GABRA1: variants seen among roughly 807,000 people sequenced by gnomAD.
GABRA1 encodes gamma-aminobutyric acid type A receptor subunit alpha1.
Under a neutral mutation model 48.9 loss-of-function variants are expected in GABRA1, and 9 were observed. The observed-to-expected ratio is 0.18, with a 90% CI of 0.11 to 0.32. GABRA1 has a LOEUF of 0.32. GABRA1 is among the 10% of genes least tolerant of loss of function. The pLI is 1.00. For synonymous variants in GABRA1, 210 were observed against 198.7 expected (o/e 1.06, Z -0.48); for missense variants, 285 against 553.8 (o/e 0.51, Z 4.87).
chr5:161,889,153 A>G (rs1032713073), intron 7 of GABRA1, among the ~76,000 whole-genome samples: 1 of 152,080 alleles, frequency 6.6e-6, no homozygotes, highest in Admixed American at 6.6e-5. Flanking sequence ...GAAAGCAGGC[A>G]TAAGTGCGTA....
chr5:161,870,812 A>G (rs778465407), intron 4 of GABRA1, among the ~76,000 whole-genome samples: 5 of 152,196 alleles, frequency 3.3e-5, no homozygotes, highest in Non-Finnish European at 5.9e-5. Flanking sequence ...GAGAGTTCTC[A>G]GAAATGGGAG....
intron 7 of GABRA1, among the ~76,000 whole-genome samples, chr5:161,886,431 T>C (rs1367371285): frequency 3.3e-5 from 5 of 151,794 alleles, no homozygotes; most frequent in Non-Finnish European, 7.4e-5. Context: ...TAGAAGAGTA[T>C]CTGGTTTGTA....
intron 8 of GABRA1, among the ~76,000 whole-genome samples, chr5:161,893,629 A>G (rs970923696): frequency 1.3e-5 from 2 of 152,204 alleles, no homozygotes; most frequent in African/African-American, 4.8e-5. Flanking sequence ...TTGGTTTTCC[A>G]TGCTGTCTCT....
Position 161,892,609 on chromosome 5 carries a change from G to T in GABRA1, c.856+1559G>T, listed in dbSNP as rs551923000. Among the ~76,000 whole-genome samples the T allele has an allele frequency of 3.3e-4, 51 of 152,282 alleles. 1 individual carries two copies. The highest frequency in any genetic ancestry group is 3.4e-3 in the Middle Eastern group (1 of 294). ...ATTAATTAGCAATGAACTCACTAAAGACGAAGTCTTGTTAAGATGCTTATA... is the reference window on the plus strand; with the variant it reads ...ATTAATTAGCAATGAACTCACTAAATACGAAGTCTTGTTAAGATGCTTATA... On this transcript the variant is annotated intron_variant, in intron 8 of 9. Coordinates refer to ENST00000393943, the MANE Select transcript of GABRA1 (RefSeq NM_001127644.2).
At chr5:161,872,590 A>C (rs1471592018) in intron 4 of GABRA1, among the ~76,000 whole-genome samples, 1 of 152,146 alleles carries the variant, frequency 6.6e-6, no homozygotes, top group East Asian at 1.9e-4. Context: ...TGTGAAAAAA[A>C]TGTTTATTTC....
At position 161,897,795 on chromosome 5, in the gene GABRA1, T is replaced by C. The variant is rs1755440778; in HGVS notation, c.*373T>C. The C allele has an allele frequency of 1.2e-5, 2 of 172,358 alleles. No individual in the cohort carries two copies. The highest frequency in any genetic ancestry group is 2.5e-5 in the Non-Finnish European group (2 of 81,184). The allele number at this position is 172,358 out of a possible 1,614,324, so 10.7% of individuals were successfully genotyped here. A position where few individuals can be genotyped will look rare whatever the true frequency, so the allele number is the denominator to read the frequency against. Reference sequence around the variant, plus strand: ...TCCAAATATTCTAAAAAAGATACTGTATATGTCAAAAATATTTTTATGTGA... The same window carrying C: ...TCCAAATATTCTAAAAAAGATACTGCATATGTCAAAAATATTTTTATGTGA... On this transcript the variant is annotated 3_prime_UTR_variant, in exon 10 of 10. Transcript: ENST00000393943.
intron 8 of GABRA1, among the ~76,000 whole-genome samples, chr5:161,891,375 G>T (rs929778933): frequency 2.0e-5 from 3 of 152,010 alleles, no homozygotes; most frequent in African/African-American, 4.8e-5. Flanking sequence ...AATATATTTA[G>T]AATATATAAC....
intron 2 of GABRA1, among the ~76,000 whole-genome samples, chr5:161,852,775 G>A (rs1282365992): frequency 2.6e-5 from 4 of 151,946 alleles, no homozygotes; most frequent in African/African-American, 9.7e-5. Flanking sequence ...ATTATGGATA[G>A]CCTTTAGTTT....
intron 3 of GABRA1, among the ~76,000 whole-genome samples, chr5:161,855,024 A>T (rs1757594303): frequency 6.6e-6 from 1 of 151,560 alleles, no homozygotes; most frequent in Non-Finnish European, 1.5e-5. Context: ...CTCAGAGTAA[A>T]ACAAGTGAAG....
At chr5:161,856,974 T>A (rs767913757) in intron 3 of GABRA1, among the ~76,000 whole-genome samples, 1 of 151,156 alleles carries the variant, frequency 6.6e-6, no homozygotes, top group Admixed American at 6.6e-5. Context: ...TCATCTACCA[T>A]GAATTTTTGG....
intron 7 of GABRA1, among the ~76,000 whole-genome samples, chr5:161,890,105 G>A (rs550270606): frequency 6.6e-6 from 1 of 151,984 alleles, no homozygotes; most frequent in Non-Finnish European, 1.5e-5. Flanking sequence ...AATTTGGGTT[G>A]TGTGTCTACT....
At chr5:161,874,400 T>C (rs1754256364) in intron 5 of GABRA1, among the ~76,000 whole-genome samples, 1 of 152,132 alleles carries the variant, frequency 6.6e-6, no homozygotes, top group Non-Finnish European at 1.5e-5. Context: ...GAGAACTTTC[T>C]AGATTATCTA....
chr5:161,889,207 C>T (rs372778144), intron 7 of GABRA1, among the ~76,000 whole-genome samples: 2 of 151,982 alleles, frequency 1.3e-5, no homozygotes, highest in Non-Finnish European at 2.9e-5. Flanking sequence ...ATTCTACCAA[C>T]ACTTCTACCA....
chr5:161,870,774 C>A (rs1424575295), intron 4 of GABRA1, among the ~76,000 whole-genome samples: 1 of 152,172 alleles, frequency 6.6e-6, no homozygotes, highest in Non-Finnish European at 1.5e-5. Flanking sequence ...CTGGGAACTA[C>A]CTGCTGCTAC....
intron 4 of GABRA1, among the ~76,000 whole-genome samples, chr5:161,871,659 A>G (rs1322089389): frequency 6.6e-6 from 1 of 152,172 alleles, no homozygotes; most frequent in Non-Finnish European, 1.5e-5. Flanking sequence ...TGAATTTATT[A>G]GGTGCTTAAG....
In GABRA1 at chr5:161,848,180, T is replaced by C. The variant is rs183280626; in HGVS notation, c.-258T>C. 37 of 152,198 alleles carry C rather than the reference T, an allele frequency of 2.4e-4. No individual in the cohort carries two copies. The highest frequency in any genetic ancestry group is 1.8e-3 in the Admixed American group (28 of 15,282). The allele number at this position is 152,198 out of a possible 1,614,324, so 9.4% of individuals were successfully genotyped here. On this transcript the variant is annotated 5_prime_UTR_variant, in exon 1 of 10. Coordinates refer to ENST00000393943, the MANE Select transcript of GABRA1 (RefSeq NM_001127644.2). ...TACTGTCTTGGTAAAGAGAAATCTTTTGTTGTATAGCTGCAGATTGGATAT... is the reference window on the plus strand; with the variant it reads ...TACTGTCTTGGTAAAGAGAAATCTTCTGTTGTATAGCTGCAGATTGGATAT...
intron 3 of GABRA1, among the ~76,000 whole-genome samples, chr5:161,859,226 T>C (rs1224786525): frequency 6.6e-6 from 1 of 151,762 alleles, no homozygotes; most frequent in Non-Finnish European, 1.5e-5. Context: ...ATTTTACAAA[T>C]CATTTATGCC....
intron 3 of GABRA1, among the ~76,000 whole-genome samples, chr5:161,859,444 C>T (rs1757768572): frequency 6.6e-6 from 1 of 151,612 alleles, no homozygotes; most frequent in South Asian, 2.1e-4. Context: ...AGGGAATTGG[C>T]TTGGGTCTTG....
intron 5 of GABRA1, among the ~76,000 whole-genome samples, 159 bp from the exon 6 acceptor site, chr5:161,875,401 A>G (rs1754303119): frequency 6.6e-6 from 1 of 152,194 alleles, no homozygotes; most frequent in African/African-American, 2.4e-5. Flanking sequence ...TATTGTAAAT[A>G]TGTATTTTTA....
Sources: allele counts gnomAD v4.1 joint callset (sites outside exome capture counted in the v4.1 genomes callset), GRCh38; gene constraint gnomAD v4.1.1; transcripts MANE v1.5; gene names NCBI Gene and HGNC (gene_info 2026-07-23, HGNC 2026-07-21).